Variants in ADGRL3 observed in about 807,000 individuals in gnomAD.
ADGRL3 encodes adhesion G protein-coupled receptor L3.
ADGRL3 carries 62 observed loss-of-function variants against 153.5 expected under a neutral mutation model. The observed-to-expected ratio is 0.40, with a 90% CI of 0.33 to 0.50. ADGRL3 has a LOEUF of 0.50. ADGRL3 is among the 20% of genes least tolerant of loss of function. The pLI is 0.47. For synonymous variants in ADGRL3, 710 were observed against 672.5 expected, an observed-to-expected ratio of 1.06 and a Z score of -0.86; for missense variants, 1,641 against 1,859.4, an observed-to-expected ratio of 0.88 and a Z score of 2.16.
chr4:61,841,391 G>A (rs2098030205), intron 9 of ADGRL3, among the ~76,000 whole-genome samples: 1 of 152,092 alleles, frequency 6.6e-6, no homozygotes, highest in African/African-American at 2.4e-5. Context: ...TGATGTTCAA[G>A]TCCAAATTAC....
intron 8 of ADGRL3, among the ~76,000 whole-genome samples, chr4:61,791,295 T>G (rs1470435584): frequency 6.6e-6 from 1 of 152,118 alleles, no homozygotes; most frequent in African/African-American, 2.4e-5. Flanking sequence ...CAATTCCAAA[T>G]GGGATAAACT....
At chr4:61,467,833 T>C (rs2097903762) in intron 2 of ADGRL3, among the ~76,000 whole-genome samples, 1 of 152,302 alleles carries the variant, frequency 6.6e-6, no homozygotes, top group Non-Finnish European at 1.5e-5. Context: ...AAACATCTGT[T>C]ACTATCCTTA....
chr4:62,044,642 TC>T, intron 25 of ADGRL3, 93 bp downstream of exon 25: 1 of 763,444 alleles, frequency 1.3e-6, no homozygotes, highest in Non-Finnish European at 2.1e-6. Flanking sequence ...CTGAACCTGT[TC>T]CACATGATAG....
intron 6 of ADGRL3, among the ~76,000 whole-genome samples, chr4:61,727,178 CTT>C (rs1236648832): frequency 2.6e-5 from 4 of 151,932 alleles, no homozygotes; most frequent in African/African-American, 7.3e-5. Flanking sequence ...TTTATAAACT[CTT>C]GGGAAATATA....
chr4:61,208,962 C>T (rs973213370), intron 1 of ADGRL3, among the ~76,000 whole-genome samples: 5 of 151,882 alleles, frequency 3.3e-5, no homozygotes, highest in South Asian at 2.1e-4. Flanking sequence ...CTATACATTC[C>T]GATTACCTTT....
rs141032559 is a variant in ADGRL3 at position 61,419,293 on chromosome 4, T to A, written c.-174+36104T>A. On this transcript the variant is annotated intron_variant, in intron 2 of 26. Coordinates refer to ENST00000683033, the MANE Select transcript of ADGRL3 (RefSeq NM_001387552.1). Reference sequence around the variant, plus strand: ...ACCAATTTCTAAATAAAGACCAAAATACTTCTAATATTAACATTGAAATAA... The same window carrying A: ...ACCAATTTCTAAATAAAGACCAAAAAACTTCTAATATTAACATTGAAATAA... 1.4e-4 allele frequency among the ~76,000 whole-genome samples: 21 copies of A among 150,992 alleles called. 1 individual carries two copies. The highest frequency in any genetic ancestry group is 4.9e-4 in the African/African-American group (20 of 40,810).
At chr4:61,789,603 CTTTCT>C (rs1254008461) in intron 8 of ADGRL3, among the ~76,000 whole-genome samples, 1 of 151,994 alleles carries the variant, frequency 6.6e-6, no homozygotes, top group Non-Finnish European at 1.5e-5. Context: ...GGAAACTAAC[CTTTCT>C]TTTAATTGGC....
chr4:61,727,442 A>T (rs1229171117), intron 6 of ADGRL3, among the ~76,000 whole-genome samples: 2 of 152,198 alleles, frequency 1.3e-5, no homozygotes, highest in African/African-American at 4.8e-5. Flanking sequence ...AAACGTTTGG[A>T]AATGAACAAT....
chr4:61,584,552 TTTG>T (rs1490142529), intron 4 of ADGRL3, among the ~76,000 whole-genome samples: 1 of 152,056 alleles, frequency 6.6e-6, no homozygotes, highest in Non-Finnish European at 1.5e-5. Flanking sequence ...TTTTTGCTTA[TTTG>T]TTATTTTTTT....
intron 1 of ADGRL3, among the ~76,000 whole-genome samples, chr4:61,273,963 C>A (rs1009858264): frequency 1.5e-4 from 23 of 152,066 alleles, no homozygotes; most frequent in African/African-American, 5.3e-4. Flanking sequence ...CTGACTCTTA[C>A]AATAAAGACT....
At chr4:61,532,127 A>G (rs1198852409) in intron 4 of ADGRL3, among the ~76,000 whole-genome samples, 1 of 152,222 alleles carries the variant, frequency 6.6e-6, no homozygotes, top group Non-Finnish European at 1.5e-5. Flanking sequence ...ATCAGAAGGC[A>G]TACCTTAATT....
intron 5 of ADGRL3, among the ~76,000 whole-genome samples, chr4:61,606,317 A>G (rs1392070179): frequency 2.0e-5 from 3 of 152,228 alleles, no homozygotes; most frequent in Non-Finnish European, 4.4e-5. Flanking sequence ...TATTATGTCA[A>G]GAGCATTGGA....
chr4:61,585,504 A>G (rs2149335735), intron 4 of ADGRL3, among the ~76,000 whole-genome samples: 1 of 152,102 alleles, frequency 6.6e-6, no homozygotes, highest in South Asian at 2.1e-4. Context: ...GCTTCGTAAA[A>G]AAGCCACAAG....
intron 5 of ADGRL3, among the ~76,000 whole-genome samples, chr4:61,634,169 C>T (rs1316314791): frequency 6.6e-6 from 1 of 152,040 alleles, no homozygotes; most frequent in Non-Finnish European, 1.5e-5. Context: ...CCTTTTATAA[C>T]ATAAAAATAA....
chr4:61,436,451 A>G (rs2097446812), intron 2 of ADGRL3, among the ~76,000 whole-genome samples: 1 of 152,242 alleles, frequency 6.6e-6, no homozygotes, highest in Non-Finnish European at 1.5e-5. Flanking sequence ...CAAGGAGCTC[A>G]TAGTCTAGTA....
chr4:61,588,787 G>A (rs1194699019), intron 5 of ADGRL3, among the ~76,000 whole-genome samples: 1 of 151,916 alleles, frequency 6.6e-6, no homozygotes, highest in Non-Finnish European at 1.5e-5. Flanking sequence ...GTATTGTAAT[G>A]GTGTTTCAGG....
At chr4:61,613,425 G>T (rs1388925452) in intron 5 of ADGRL3, among the ~76,000 whole-genome samples, 1 of 152,112 alleles carries the variant, frequency 6.6e-6, no homozygotes, top group Non-Finnish European at 1.5e-5. Flanking sequence ...TCTAAAAATT[G>T]TTGTGTGTTT....
At chr4:61,716,024 T>TTCC (rs934522849) in intron 6 of ADGRL3, among the ~76,000 whole-genome samples, 6 of 152,024 alleles carry the variant, frequency 3.9e-5, no homozygotes, top group African/African-American at 1.4e-4. Flanking sequence ...ATTTTCTTTA[T>TTCC]TCCTCAATTA....
intron 9 of ADGRL3, among the ~76,000 whole-genome samples, chr4:61,865,327 C>CA (rs1268739616): frequency 1.4e-4 from 22 of 152,114 alleles, no homozygotes; most frequent in African/African-American, 5.1e-4. Flanking sequence ...ACCTTTCCAC[C>CA]AATTTGAAGC....
Sources: allele counts gnomAD v4.1 joint callset (sites outside exome capture counted in the v4.1 genomes callset), GRCh38; gene constraint gnomAD v4.1.1; transcripts MANE v1.5; gene names NCBI Gene and HGNC (gene_info 2026-07-23, HGNC 2026-07-21).